Variants in PRKCE observed in about 807,000 individuals in gnomAD.
PRKCE encodes the protein protein kinase C epsilon type.
Under a neutral mutation model 85.4 loss-of-function variants are expected in PRKCE, and 16 were observed. That is an observed-to-expected ratio of 0.19 (90% CI 0.13 to 0.28). The LOEUF (loss-of-function observed/expected upper bound fraction) is 0.28, where lower values mean the gene tolerates loss of function less well. PRKCE is among the 10% of genes least tolerant of loss of function. The probability of loss-of-function intolerance (pLI) is 1.00; values close to 1 mark genes in which losing one functional copy is unlikely to be tolerated. For synonymous variants in PRKCE, 388 were observed against 371.5 expected, an observed-to-expected ratio of 1.04 and a Z score of -0.51; for missense variants, 573 against 975.2, an observed-to-expected ratio of 0.59 and a Z score of 5.49.
At position 46,118,313 on chromosome 2, in the gene PRKCE, G is replaced by A. The variant is rs536117867; in HGVS notation, c.1593-26780G>A. 4.6e-5 allele frequency among the ~76,000 whole-genome samples: 7 copies of A among 152,282 alleles called. No individual in the cohort carries two copies. The South Asian group carries it at 8.3e-4, about 18-fold the overall frequency. On this transcript the variant is annotated intron_variant, in intron 11 of 14. Coordinates refer to ENST00000306156, the MANE Select transcript of PRKCE (RefSeq NM_005400.3). Reference sequence around the variant, plus strand: ...TGGCACTTGGGTAGCTGTGGGACACGGTGGAGAAAGAAACTACCCAAAGTT... The same window carrying A: ...TGGCACTTGGGTAGCTGTGGGACACAGTGGAGAAAGAAACTACCCAAAGTT...
intron 1 of PRKCE, among the ~76,000 whole-genome samples, chr2:45,723,062 T>C (rs1680752555): frequency 6.6e-6 from 1 of 152,110 alleles, no homozygotes; most frequent in Non-Finnish European, 1.5e-5. Context: ...GATCACACCA[T>C]TGCACTCCAG....
At chr2:46,119,306 G>A (rs1296978343) in intron 11 of PRKCE, among the ~76,000 whole-genome samples, 1 of 150,156 alleles carries the variant, frequency 6.7e-6, no homozygotes, top group Admixed American at 6.6e-5. Flanking sequence ...TTATTAGGGT[G>A]TTTTTTTTTC....
chr2:45,771,296 A>G (rs1685308241), intron 1 of PRKCE, among the ~76,000 whole-genome samples: 1 of 152,230 alleles, frequency 6.6e-6, no homozygotes, highest in African/African-American at 2.4e-5. Context: ...GCATCTGTTT[A>G]TATAGGGCTC....
intron 11 of PRKCE, among the ~76,000 whole-genome samples, chr2:46,105,517 G>C (rs577258422): frequency 1.3e-5 from 2 of 150,200 alleles, no homozygotes; most frequent in East Asian, 3.9e-4. Context: ...GGCAACCACA[G>C]ATGCATACCT....
chr2:46,107,378 C>T (rs1328764744), intron 11 of PRKCE, among the ~76,000 whole-genome samples: 1 of 152,196 alleles, frequency 6.6e-6, no homozygotes, highest in Non-Finnish European at 1.5e-5. Flanking sequence ...CACGGTGGCT[C>T]ATGCCTGTAA....
chr2:45,930,787 C>A (rs1157772237), intron 2 of PRKCE, among the ~76,000 whole-genome samples: 2 of 152,152 alleles, frequency 1.3e-5, no homozygotes, highest in African/African-American at 4.8e-5. Context: ...TGTGCAGTCC[C>A]CCTAAGAGTT....
chr2:46,066,888 A>G (rs746021744), intron 10 of PRKCE, among the ~76,000 whole-genome samples: 24 of 152,192 alleles, frequency 1.6e-4, no homozygotes, highest in Non-Finnish European at 3.4e-4. Context: ...ATACGTGGTA[A>G]AGGAAACTCA....
intron 1 of PRKCE, among the ~76,000 whole-genome samples, chr2:45,706,014 G>A (rs968542666): frequency 1.3e-5 from 2 of 152,166 alleles, no homozygotes; most frequent in African/African-American, 4.8e-5. Flanking sequence ...GCCAACAAAG[G>A]GACCTGGTCC....
At chr2:46,127,720 T>G (rs1179268530) in intron 11 of PRKCE, among the ~76,000 whole-genome samples, 3 of 152,240 alleles carry the variant, frequency 2.0e-5, no homozygotes, top group Admixed American at 2.0e-4. Flanking sequence ...TAGACTGTCC[T>G]GGAACTTGGG....
rs528522808 is a variant in PRKCE, at chr2:45,933,542, C to T, written c.413-42887C>T. ...AGGCTGGAGTGCAGTGGCGCGATCT[C>T]GGCTCACTGCAAGCTCCACCTCCCG... On this transcript the variant is annotated intron_variant, in intron 2 of 14. Coordinates refer to ENST00000306156, the MANE Select transcript of PRKCE (RefSeq NM_005400.3). 2.4e-3 allele frequency among the ~76,000 whole-genome samples: 329 copies of T among 138,430 alleles called. 3 individuals carry two copies. In the Middle Eastern group the frequency reaches 0.041, roughly 17 times the overall value. The allele number at this position is 138,430 out of a possible 152,430, so 90.8% of individuals were successfully genotyped here.
chr2:45,912,872 C>T (rs1697483355), intron 2 of PRKCE, among the ~76,000 whole-genome samples: 3 of 152,100 alleles, frequency 2.0e-5, no homozygotes, highest in Admixed American at 6.5e-5. Context: ...GACCACCATC[C>T]AACCCACGCC....
intron 1 of PRKCE, among the ~76,000 whole-genome samples, chr2:45,793,148 AGAGAAGAGGTGTT>A (rs1402594756): frequency 3.3e-5 from 5 of 152,250 alleles, no homozygotes; most frequent in African/African-American, 7.2e-5. Context: ...TAAGCAGGGC[AGAGAAGAGGTGTT>A]GAGTAAACAA....
chr2:46,105,580 T>C (rs1558460366), intron 11 of PRKCE, among the ~76,000 whole-genome samples: 1 of 152,150 alleles, frequency 6.6e-6, no homozygotes, highest in Non-Finnish European at 1.5e-5. Flanking sequence ...TACCATGACT[T>C]TTGGGAACAC....
rs1667772638 is a variant in PRKCE, at chr2:46,068,035, A to T, written c.1438-18173A>T. 6.6e-6 allele frequency among the ~76,000 whole-genome samples: 1 copy of T among 152,198 alleles called. No individual in the cohort carries two copies. Among genetic ancestry groups the T allele is most frequent in the Non-Finnish European group, 1.5e-5 (1 of 68,036 alleles). On this transcript the variant is annotated intron_variant, in intron 10 of 14. Transcript: ENST00000306156. This position sits in a 1 kb window ranked among gnomAD's most constrained non-coding sequence, Gnocchi z 4.3. Reference sequence around the variant, plus strand: ...TGATTATATCACTCGCGAAGGGATTAGTCAGAAGGCAATGGAAACATCTTT... The same window carrying T: ...TGATTATATCACTCGCGAAGGGATTTGTCAGAAGGCAATGGAAACATCTTT...
chr2:45,797,647 G>A (rs1022231016), intron 1 of PRKCE, among the ~76,000 whole-genome samples: 10 of 152,192 alleles, frequency 6.6e-5, no homozygotes, highest in Non-Finnish European at 1.5e-4. Context: ...CTTTGGTTGG[G>A]GCGGTCTCTG....
intron 1 of PRKCE, among the ~76,000 whole-genome samples, chr2:45,695,508 C>T (rs1445892336): frequency 6.6e-6 from 1 of 152,206 alleles, no homozygotes; most frequent in Admixed American, 6.5e-5. Flanking sequence ...CATGGTCGCT[C>T]ATGCCTATAA....
At chr2:46,183,181 CAA>C (rs1553373730) in intron 14 of PRKCE, among the ~76,000 whole-genome samples, 1 of 152,164 alleles carries the variant, frequency 6.6e-6, no homozygotes, top group African/African-American at 2.4e-5. Context: ...TTTAGGAAAA[CAA>C]AAAAGTTTTA....
chr2:45,871,817 T>A (rs1694108531), intron 2 of PRKCE, among the ~76,000 whole-genome samples: 1 of 152,050 alleles, frequency 6.6e-6, no homozygotes, highest in Non-Finnish European at 1.5e-5. Context: ...CAGCCTTCTT[T>A]CCCCCCTGCC....
chr2:46,095,024 C>T (rs1376477030), intron 11 of PRKCE, among the ~76,000 whole-genome samples: 5 of 152,116 alleles, frequency 3.3e-5, no homozygotes, highest in South Asian at 4.1e-4. Flanking sequence ...TGCACTCGCC[C>T]GGCATAGATC....
Sources: allele counts gnomAD v4.1 joint callset (sites outside exome capture counted in the v4.1 genomes callset), GRCh38; gene constraint gnomAD v4.1.1; non-coding constraint Gnocchi (gnomAD v3.1); transcripts MANE v1.5; gene names NCBI Gene and HGNC (gene_info 2026-07-23, HGNC 2026-07-21).